Variants in EDEM3 observed in about 807,000 individuals in gnomAD.
The protein encoded by EDEM3 is ER degradation-enhancing alpha-mannosidase-like protein 3.
In EDEM3, 60 loss-of-function variants were observed where a neutral mutation model predicts 110.2. The observed-to-expected ratio is 0.54, with a 90% CI of 0.44 to 0.67. The LOEUF (loss-of-function observed/expected upper bound fraction) is 0.67. EDEM3 is among the 30% of genes least tolerant of loss of function. EDEM3 has a pLI of 0.00. For synonymous variants in EDEM3, 352 were observed against 382.9 expected, an observed-to-expected ratio of 0.92 and a Z score of 0.94; for missense variants, 996 against 1,121.0, an observed-to-expected ratio of 0.89 and a Z score of 1.59.
chr1:184,705,430 T>C lies in EDEM3; in HGVS notation c.2203+1213A>G, dbSNP rs544093581. On this transcript the variant is annotated intron_variant, in intron 18 of 19. Coordinates refer to ENST00000318130, the MANE Select transcript of EDEM3 (RefSeq NM_025191.4). ...TCTCTCCTGTAAGTACTCAACTCCA[T>C]CACTGCAGTTCAAAGCAGTCATAGA... 3.0e-4 allele frequency among the ~76,000 whole-genome samples: 45 copies of C among 152,268 alleles called. No individual in the cohort carries two copies. In the South Asian group the frequency reaches 9.3e-3, roughly 32 times the overall value.
In EDEM3 at chr1:184,732,756, CA is replaced by C; in HGVS notation, c.612+80del. 4 of 1,391,234 alleles carry C rather than the reference CA, an allele frequency of 2.9e-6. No homozygotes were observed. In the South Asian group the frequency reaches 6.6e-5, roughly 23 times the overall value. 86.2% of individuals were successfully genotyped at this position (1,391,234 alleles called of 1,614,324 possible). ...TTTTCAGCCTCAAGCTGGTGAAGAA[CA>C]ATGGCTCTGATCACAAAACTTCATT... On this transcript the variant is annotated intron_variant, in intron 6 of 19. Coordinates refer to ENST00000318130, the MANE Select transcript of EDEM3 (RefSeq NM_025191.4).
At chr1:184,707,704 T>A (rs1650008890) in intron 17 of EDEM3, among the ~76,000 whole-genome samples, 1 of 152,188 alleles carries the variant, frequency 6.6e-6, no homozygotes, top group South Asian at 2.1e-4. Context: ...CTATAGAGGA[T>A]GGACTAGCTA....
In EDEM3 at chr1:184,719,232, T is replaced by C. The variant is rs776571043; in HGVS notation, c.1091A>G (p.Asp364Gly). Reference sequence around the variant, plus strand: ...ATGAGTTTCAATAGCAGGTCTAATATCCCCCTTTAACACCTAGAAATCAAC... The same window carrying C: ...ATGAGTTTCAATAGCAGGTCTAATACCCCCCTTTAACACCTAGAAATCAAC... ...FFPGLQVLKGDIRPAIETHEM... is the reference protein window; with the variant it reads ...FFPGLQVLKGGIRPAIETHEM... Residue 364 changes from aspartate (D) to glycine (G), a missense_variant, in exon 11 of 20, where the codon GAT (aspartate) becomes GGT (glycine). By Grantham distance (94) the Asp-to-Gly change is moderately conservative (BLOSUM62 -1). This residue lies in a region of EDEM3 where 310 missense variants were observed against 394.6 expected (regional missense o/e 0.79). Coordinates refer to ENST00000318130, the MANE Select transcript of EDEM3 (RefSeq NM_025191.4). The C allele has an allele frequency of 3.2e-6, 5 of 1,572,716 alleles. No individual in the cohort carries two copies. The highest frequency in any genetic ancestry group is 4.3e-6 in the Non-Finnish European group (5 of 1,162,824).
At chr1:184,720,595 C>A (rs1571380737) in intron 9 of EDEM3, 1 of 150,356 alleles carries the variant, frequency 6.7e-6, no homozygotes, top group South Asian at 2.1e-4. Context: ...CTGCAAGCTC[C>A]GCCTCCCGGG....
chr1:184,737,010 A>G lies in EDEM3; in HGVS notation c.345+15T>C, dbSNP rs1244583771. The G allele has an allele frequency of 6.2e-7, 1 of 1,606,864 alleles. No individual in the cohort carries two copies. The highest frequency in any genetic ancestry group is 8.5e-7 in the Non-Finnish European group (1 of 1,173,856). ...ATATCATGAATAAAATAAATCCAAGAAGAGTCAAACCTACCACAAGAGTGT... is the reference window on the plus strand; with the variant it reads ...ATATCATGAATAAAATAAATCCAAGGAGAGTCAAACCTACCACAAGAGTGT... On this transcript the variant is annotated intron_variant, in intron 4 of 19. Coordinates refer to ENST00000318130, the MANE Select transcript of EDEM3 (RefSeq NM_025191.4).
rs148161065 is a variant in EDEM3, at chr1:184,748,119, A to G, written c.204+1428T>C. On this transcript the variant is annotated intron_variant, in intron 2 of 19. Coordinates refer to ENST00000318130, the MANE Select transcript of EDEM3 (RefSeq NM_025191.4). ...CCAGGGATAAATGATTTTGAAAGAA[A>G]TAAGGGTTGACATGTGGGTGACAAA... Among the ~76,000 whole-genome samples the G allele has an allele frequency of 2.8e-3, 434 of 152,284 alleles. 5 individuals carry two copies. In the East Asian group the frequency reaches 0.036, roughly 13 times the overall value.
At chr1:184,754,444 G>C (rs1166040239) in intron 1 of EDEM3, 45 bp downstream of exon 1, 3 of 1,610,918 alleles carry the variant, frequency 1.9e-6, no homozygotes, top group Non-Finnish European at 2.5e-6. Context: ...CCCTCCTGTT[G>C]TCAGCCTCAC....
At chr1:184,754,440 T>C in intron 1 of EDEM3, 49 bp downstream of exon 1, 1 of 1,609,762 alleles carries the variant, frequency 6.2e-7, no homozygotes, top group Non-Finnish European at 8.5e-7. Flanking sequence ...GCACCCCTCC[T>C]GTTGTCAGCC....
chr1:184,712,597 T>C lies in EDEM3; in HGVS notation c.1372A>G (p.Met458Val). 2 of 1,519,002 alleles carry C rather than the reference T, an allele frequency of 1.3e-6. No individual in the cohort carries two copies. The highest frequency in any genetic ancestry group is 1.8e-6 in the Non-Finnish European group (2 of 1,123,850). The allele number at this position is 1,519,002 out of a possible 1,614,324, so 94.1% of individuals were successfully genotyped here. ...ATTTCAGCCAAGAAGAAAGAATCCA[T>C]TCTAAAATAAAAAGTCACAAATAAA... ...DVRTGSHEDR[M>V]DSFFLAEMFK... is the part of the protein sequence containing the mutation. Residue 458 changes from methionine (M) to valine (V), a missense_variant and splice_region_variant, in exon 14 of 20, where the codon ATG (methionine) becomes GTG (valine). Around this residue, in one of 5 missense-constraint regions of EDEM3, gnomAD observed 310 missense variants for 394.6 expected, o/e 0.79. Coordinates refer to ENST00000318130, the MANE Select transcript of EDEM3 (RefSeq NM_025191.4).
chr1:184,739,520 G>C (rs776338378), intron 2 of EDEM3, among the ~76,000 whole-genome samples: 6 of 151,818 alleles, frequency 4.0e-5, no homozygotes, highest in Admixed American at 1.3e-4. Flanking sequence ...GGGGAGAATT[G>C]ATATCTTTAG....
chr1:184,690,404 A>G lies in EDEM3; in HGVS notation c.*3659T>C, dbSNP rs943970425. 8.6e-6 allele frequency: 1 copy of G among 116,692 alleles called. No homozygotes were observed. The highest frequency in any genetic ancestry group is 3.8e-5 in the African/African-American group (1 of 26,194). The allele number at this position is 116,692 out of a possible 1,614,324, so 7.2% of individuals were successfully genotyped here. A position where few individuals can be genotyped will look rare whatever the true frequency, so the allele number is the denominator to read the frequency against. ...CAGAATTCAATCCCCGGAGGATAAA[A>G]TGAGTTTAAAAAAAAAAGGAAAACA... On this transcript the variant is annotated 3_prime_UTR_variant, in exon 20 of 20. Coordinates refer to ENST00000318130, the MANE Select transcript of EDEM3 (RefSeq NM_025191.4).
intron 2 of EDEM3, among the ~76,000 whole-genome samples, chr1:184,740,438 C>T (rs1652073386): frequency 6.6e-6 from 1 of 152,168 alleles, no homozygotes; most frequent in Non-Finnish European, 1.5e-5. Flanking sequence ...ACGTAAAACA[C>T]AAACTTTGAT....
rs1301893376 is a variant in EDEM3, at chr1:184,708,337, C to T, written c.1853G>A (p.Ser618Asn). The T allele has an allele frequency of 6.2e-7, 1 of 1,606,072 alleles. No homozygotes were observed. Among genetic ancestry groups the T allele is most frequent in the African/African-American group, 1.3e-5 (1 of 74,356 alleles). Residue 618 changes from serine to asparagine, a missense_variant, in exon 17 of 20, where the codon AGT (serine) becomes AAT (asparagine). Coordinates refer to ENST00000318130, the MANE Select transcript of EDEM3 (RefSeq NM_025191.4). ...CAACCCATCTTCAGCGTCGATTGAACTAGCAGCCTATGAAAAAAACAAATT... is the reference window on the plus strand; with the variant it reads ...CAACCCATCTTCAGCGTCGATTGAATTAGCAGCCTATGAAAAAAACAAATT... ...QLVQHAIQAA[S>N]SIDAEDGLRF...
chr1:184,701,401 C>T, intron 19 of EDEM3: 1 of 658,154 alleles, frequency 1.5e-6, no homozygotes, highest in Non-Finnish European at 2.0e-6. Context: ...ATGGTATCCA[C>T]TGAAACAAAA....
Position 184,753,407 on chromosome 1 carries a change from C to CT in EDEM3, c.158+1081dup, listed in dbSNP as rs35445359. On this transcript the variant is annotated intron_variant, in intron 1 of 19. Coordinates refer to ENST00000318130, the MANE Select transcript of EDEM3 (RefSeq NM_025191.4). ...GGAAGAGCTGTTCTTTCAAAATGCA[C>CT]TTTTTTTTTTTTTTTTCGAGACAGA... 2.9e-3 allele frequency among the ~76,000 whole-genome samples: 398 copies of CT among 138,304 alleles called. 2 individuals are homozygous for CT. Among genetic ancestry groups the CT allele is most frequent in the African/African-American group, 6.0e-3 (224 of 37,146 alleles). The allele number at this position is 138,304 out of a possible 152,430, so 90.7% of individuals were successfully genotyped here. A position where few individuals can be genotyped will look rare whatever the true frequency, so the allele number is the denominator to read the frequency against.
chr1:184,729,278 A>G (rs1445885257), intron 6 of EDEM3, among the ~76,000 whole-genome samples: 3 of 152,196 alleles, frequency 2.0e-5, no homozygotes, highest in Non-Finnish European at 4.4e-5. Context: ...TAAAAAGGAC[A>G]CTTTTTTATT....
At chr1:184,738,401 G>T (rs1267216275) in intron 2 of EDEM3, among the ~76,000 whole-genome samples, 1 of 152,138 alleles carries the variant, frequency 6.6e-6, no homozygotes, top group Non-Finnish European at 1.5e-5. Context: ...CCCCTTAGCA[G>T]TACCCATTCC....
chr1:184,754,702 C>T lies in EDEM3; in HGVS notation c.-56G>A, dbSNP rs994555788. ...TACGCCCGGCCGGTGAGACACATTG[C>T]TGGACGCTGGTGGCCAGGGGGCTGC... On this transcript the variant is annotated 5_prime_UTR_variant, in exon 1 of 20. Transcript: ENST00000318130. The T allele has an allele frequency of 3.4e-6, 5 of 1,471,972 alleles. No individual in the cohort carries two copies. The highest frequency in any genetic ancestry group is 4.5e-6 in the Non-Finnish European group (5 of 1,115,118). The allele number at this position is 1,471,972 out of a possible 1,614,324, so 91.2% of individuals were successfully genotyped here. A position where few individuals can be genotyped will look rare whatever the true frequency, so the allele number is the denominator to read the frequency against.
rs1650304585 is a variant in EDEM3 at position 184,712,508 on chromosome 1, G to A, written c.1461C>T (p.Tyr487=). 2 of 1,605,276 alleles carry A rather than the reference G, an allele frequency of 1.2e-6. No homozygotes were observed. The highest frequency in any genetic ancestry group is 1.7e-6 in the Non-Finnish European group (2 of 1,176,058). ...KEDIIFDIED[Y]IFTTEAHLLP... Reference sequence around the variant, plus strand: ...ACAGATGAGCTTCTGTTGTAAAGATGTAATCTTCTATGTCAAAAATAATGT... The same window carrying A: ...ACAGATGAGCTTCTGTTGTAAAGATATAATCTTCTATGTCAAAAATAATGT... Residue 487 remains tyrosine, a synonymous_variant, in exon 14 of 20, where the codon TAC becomes TAT. Coordinates refer to ENST00000318130, the MANE Select transcript of EDEM3 (RefSeq NM_025191.4).
Sources: gnomAD v4.1 joint callset for allele counts (sites outside exome capture counted in the v4.1 genomes callset) on GRCh38, gnomAD v4.1.1 for gene constraint, gnomAD v4.1.1 regional missense constraint, MANE v1.5 for transcripts, NCBI Gene and HGNC (gene_info 2026-07-23, HGNC 2026-07-21) for gene names.